FAM200A: variants seen among roughly 807,000 people sequenced by gnomAD.
FAM200A encodes ZBED8 like, also known as protein FAM200A.
In FAM200A, 26 loss-of-function variants were observed where a neutral mutation model predicts 44.2. That is an observed-to-expected ratio of 0.59 (90% CI 0.43 to 0.82). The LOEUF is 0.82. Among genes scored for constraint, FAM200A ranks in the 40% least tolerant of loss-of-function variants. The probability of loss-of-function intolerance (pLI) is 0.00; values close to 1 mark genes in which losing one functional copy is unlikely to be tolerated. For synonymous variants in FAM200A, 206 were observed against 244.4 expected, an observed-to-expected ratio of 0.84 and a Z score of 1.47; for missense variants, 606 against 669.5, an observed-to-expected ratio of 0.91 and a Z score of 1.05.
Position 99,547,353 on chromosome 7 carries a change from C to T in FAM200A, c.1055G>A (p.Gly352Asp), listed in dbSNP as rs1190519396. Residue 352 changes from glycine to aspartate, a missense_variant, in exon 2 of 2, where the codon GGC (glycine) becomes GAC (aspartate). Coordinates refer to ENST00000449309, the MANE Select transcript of FAM200A (RefSeq NM_145111.4). ...TKLAYLSDIF[G>D]ILNELSLKMQ... The stretch of plus-strand genomic sequence containing the variant: ...TTTCAGGCTTAATTCATTAAGAATG[C>T]CAAAAATATCACTTAAATATGCCAA... 1 of 1,549,274 alleles carries T rather than the reference C, an allele frequency of 6.5e-7. No individual in the cohort carries two copies. The highest frequency in any genetic ancestry group is 8.7e-7 in the Non-Finnish European group (1 of 1,146,006).
upstream of FAM200A, among the ~76,000 whole-genome samples, chr7:99,555,557 G>T (rs1158633906): frequency 6.6e-6 from 1 of 152,152 alleles, no homozygotes; most frequent in Non-Finnish European, 1.5e-5. Context: ...CACTGAATTT[G>T]CAAGTAAGCT....
At chr7:99,555,900 C>T (rs1451573556), upstream of FAM200A, among the ~76,000 whole-genome samples, 6 of 151,922 alleles carry the variant, frequency 3.9e-5, no homozygotes, top group South Asian at 4.2e-4. Flanking sequence ...AGCAAGACTC[C>T]GTGTCAAGAA....
chr7:99,553,070 C>CACATATATATATATACACACACACAT (rs1262148562), upstream of FAM200A, among the ~76,000 whole-genome samples: 1 of 74,030 alleles, frequency 1.4e-5, no homozygotes, highest in Non-Finnish European at 2.4e-5. Flanking sequence ...TATACACACA[C>CACATATATATATATACACACACACAT]ATATATATAT....
chr7:99,548,130 ACCATGT>A lies in FAM200A; in HGVS notation c.272_277del (p.Asp91_Met92del). On this transcript the variant is annotated inframe_deletion, in exon 2 of 2. Coordinates refer to ENST00000449309, the MANE Select transcript of FAM200A (RefSeq NM_145111.4). ...TGATTTGTCATCAAAAATTGTCCGT[ACCATGT>A]CCATACATGCTGGAAGGATAATTTT... 6.4e-7 allele frequency: 1 copy of A among 1,551,824 alleles called. No homozygotes were observed. Among genetic ancestry groups the A allele is most frequent in the Non-Finnish European group, 8.7e-7 (1 of 1,147,024 alleles).
upstream of FAM200A, among the ~76,000 whole-genome samples, chr7:99,555,004 G>T (rs1208130994): frequency 6.6e-6 from 1 of 152,154 alleles, no homozygotes; most frequent in Admixed American, 6.5e-5. Flanking sequence ...AGAATCTTAG[G>T]TATTTGTGCT....
At chr7:99,550,981 G>C (rs1043202072) in intron 1 of FAM200A, among the ~76,000 whole-genome samples, 2 of 151,960 alleles carry the variant, frequency 1.3e-5, no homozygotes, top group Non-Finnish European at 2.9e-5. Context: ...GGAAGCTGAG[G>C]CAGGAGAAGC....
At chr7:99,555,205 A>T (rs546158460), upstream of FAM200A, among the ~76,000 whole-genome samples, 3 of 152,340 alleles carry the variant, frequency 2.0e-5, no homozygotes, top group East Asian at 5.8e-4. Flanking sequence ...CTTATAAAAA[A>T]GGGAAGTTTA....
Position 99,546,963 on chromosome 7 carries a change from G to A in FAM200A, c.1445C>T (p.Ser482Leu). The A allele has an allele frequency of 3.2e-6, 5 of 1,550,216 alleles. No homozygotes were observed. The South Asian group carries it at 6.0e-5, about 19-fold the overall frequency. ...ATAATAATTCTTTAGTGTGAATGAT[G>A]AACTGAGCTGCAATAATTCATTCTC... ...EEENELLQLS[S>L]SFTLKNYYKI... The change falls in exon 2 of 2, where the codon TCA becomes TTA. Residue 482 changes from serine to leucine, a missense_variant. By Grantham distance (145) the Ser-to-Leu change is moderately radical. Transcript: ENST00000449309.
chr7:99,556,834 G>C (rs1368219617), upstream of FAM200A, among the ~76,000 whole-genome samples: 1 of 152,188 alleles, frequency 6.6e-6, no homozygotes, highest in Non-Finnish European at 1.5e-5. Context: ...TCAGGAGTTT[G>C]AGACCAGCCT....
At chr7:99,552,557 CTAGA>C (rs1281954258), upstream of FAM200A, among the ~76,000 whole-genome samples, 1 of 152,128 alleles carries the variant, frequency 6.6e-6, no homozygotes, top group African/African-American at 2.4e-5. Context: ...CTTTCCAACA[CTAGA>C]TAGTTATAAA....
chr7:99,547,531 T>G lies in FAM200A; in HGVS notation c.877A>C (p.Thr293Pro). The G allele has an allele frequency of 6.4e-7, 1 of 1,550,896 alleles. No individual in the cohort carries two copies. Among genetic ancestry groups the G allele is most frequent in the Non-Finnish European group, 8.7e-7 (1 of 1,146,708 alleles). Residue 293 changes from threonine to proline, a missense_variant, in exon 2 of 2, where the codon ACC (threonine) becomes CCC (proline). Transcript: ENST00000449309. Reference protein sequence around the residue: ...IFCSEIGVNHTHLLFHTEVRW... With the variant: ...IFCSEIGVNHPHLLFHTEVRW... ...ACTTCTGTATGAAACAATAAGTGGG[T>G]GTGGTTCACTCCAATCTCTGAACAA...
intron 1 of FAM200A, 27 bp from the exon 2 acceptor site, chr7:99,548,533 G>C (rs1802445636): frequency 1.4e-6 from 2 of 1,454,594 alleles, no homozygotes; most frequent in South Asian, 1.5e-5. Flanking sequence ...CGTAACAGCA[G>C]TATTAAAAAG....
At chr7:99,553,344 C>T (rs1802610357), upstream of FAM200A, among the ~76,000 whole-genome samples, 1 of 151,920 alleles carries the variant, frequency 6.6e-6, no homozygotes. Flanking sequence ...CATTCCTACA[C>T]TGAAGTGCCT....
upstream of FAM200A, among the ~76,000 whole-genome samples, chr7:99,555,223 T>C (rs1297935622): frequency 2.0e-5 from 3 of 152,130 alleles, no homozygotes. Context: ...TTAGAGATAG[T>C]ACACAGGGAG....
intron 1 of FAM200A, among the ~76,000 whole-genome samples, chr7:99,549,562 G>A (rs1239988251): frequency 5.9e-5 from 9 of 152,132 alleles, no homozygotes; most frequent in Admixed American, 5.9e-4. Flanking sequence ...TATACCCAAA[G>A]GATTATAAAT....
upstream of FAM200A, among the ~76,000 whole-genome samples, chr7:99,556,339 C>G (rs934082912): frequency 6.6e-6 from 1 of 152,178 alleles, no homozygotes; most frequent in Non-Finnish European, 1.5e-5. Context: ...CCTGTATGAG[C>G]CACGACTTTG....
rs1338681728 is a variant in FAM200A at position 99,547,426 on chromosome 7, G to C, written c.982C>G (p.Gln328Glu). Residue 328 changes from glutamine (Q) to glutamate (E), a missense_variant, in exon 2 of 2, where the codon CAA (glutamine) becomes GAA (glutamate). Physicochemically the swap from Gln to Glu is conservative, Grantham distance 29. Transcript: ENST00000449309. ...TCAAAAATATTTGCCAAATGAGATT[G>C]CTTTTCAACGAGAAAAATGTAAATC... ...NEIYIFLVEK[Q>E]SHLANIFEDD... 6.4e-7 allele frequency: 1 copy of C among 1,551,150 alleles called. No homozygotes were observed. Among genetic ancestry groups the C allele is most frequent in the Non-Finnish European group, 8.7e-7 (1 of 1,146,906 alleles).
chr7:99,547,314 T>C lies in FAM200A; in HGVS notation c.1094A>G (p.Asn365Ser). The change falls in exon 2 of 2, where the codon AAC becomes AGC. Residue 365 changes from asparagine to serine, a missense_variant. Asn to Ser is a conservative substitution (Grantham distance 46). Coordinates refer to ENST00000449309, the MANE Select transcript of FAM200A (RefSeq NM_145111.4). ...TTCAAGATACTGAAATATATCATTG[T>C]TTTTCCCCTGCATTTTCAGGCTTAA... ...NELSLKMQGK[N>S]NDIFQYLEHI... 6.4e-7 allele frequency: 1 copy of C among 1,550,474 alleles called. No individual in the cohort carries two copies. The highest frequency in any genetic ancestry group is 1.2e-5 in the South Asian group (1 of 83,608).
At position 99,547,231 on chromosome 7, in the gene FAM200A, G is replaced by A. The variant is rs376591465; in HGVS notation, c.1177C>T (p.Arg393Cys). The A allele has an allele frequency of 2.0e-5, 31 of 1,551,096 alleles. No homozygotes were observed. Among genetic ancestry groups the A allele is most frequent in the Middle Eastern group, 1.7e-4 (1 of 6,010 alleles). ...LLWQARLKSN[R>C]PSYYMFPTLL... ...GTTGGAAACATATAGTAGCTAGGGC[G>A]GTTACTTTTAAGTCTTGCTTGCCAC... The change falls in exon 2 of 2, where the codon CGC becomes TGC. Residue 393 changes from arginine (R) to cysteine (C), a missense_variant. Arg to Cys is a radical substitution (Grantham distance 180, BLOSUM62 -3). Transcript: ENST00000449309.
Sources: allele counts gnomAD v4.1 joint callset (sites outside exome capture counted in the v4.1 genomes callset), GRCh38; gene constraint gnomAD v4.1.1; transcripts MANE v1.5; gene names NCBI Gene and HGNC (gene_info 2026-07-23, HGNC 2026-07-21).